The following WDR35 variants were observed in gnomAD, a reference collection of about 807,000 sequenced individuals.
WDR35 encodes the protein WD repeat-containing protein 35.
A neutral mutation model predicts 158.3 loss-of-function variants in WDR35; 118 were observed. The observed-to-expected ratio is 0.75, with a 90% CI of 0.64 to 0.87. WDR35 has a LOEUF of 0.87. WDR35 is among the 40% of genes least tolerant of loss of function. The probability of loss-of-function intolerance (pLI) is 0.00; values close to 1 mark genes in which losing one functional copy is unlikely to be tolerated. For missense variants in WDR35, 1,263 were observed against 1,405.8 expected (o/e 0.90, Z 1.62); for synonymous variants, 448 against 476.1 (o/e 0.94, Z 0.77).
intron 9 of WDR35, 139 bp downstream of exon 9, chr2:19,969,341 A>T: frequency 1.2e-6 from 1 of 845,582 alleles, no homozygotes; most frequent in Non-Finnish European, 1.8e-6. Context: ...AGAAAAGTTT[A>T]CTAGTTCTAA....
rs999628676 is a variant in WDR35 at position 19,937,797 on chromosome 2, C to A, written c.2213G>T (p.Gly738Val). 8 of 1,614,152 alleles carry A rather than the reference C, an allele frequency of 5.0e-6. No homozygotes were observed. The Admixed American group carries it at 5.0e-5, about 10-fold the overall frequency. Residue 738 changes from glycine to valine, a missense_variant, in exon 19 of 27, where the codon GGC (glycine) becomes GTC (valine). Transcript: ENST00000281405. ...SESMKQAEVVGYFGRFEEAER... is the reference protein window; with the variant it reads ...SESMKQAEVVVYFGRFEEAER... Reference sequence around the variant, plus strand: ...AGCCTCTTCAAACCTGCCGAAGTAGCCAACAACTTCAGCCTGTTTCATTGA... The same window carrying A: ...AGCCTCTTCAAACCTGCCGAAGTAGACAACAACTTCAGCCTGTTTCATTGA...
chr2:19,932,003 T>C (rs1359962857), intron 23 of WDR35, among the ~76,000 whole-genome samples: 1 of 152,136 alleles, frequency 6.6e-6, no homozygotes, highest in Admixed American at 6.5e-5. Context: ...TTCCCTGTTG[T>C]AGAAATTTGT....
chr2:19,936,438 G>A (rs1558331554), intron 19 of WDR35, 73 bp from the exon 20 acceptor site: 1 of 1,605,010 alleles, frequency 6.2e-7, no homozygotes, highest in Non-Finnish European at 8.5e-7. Context: ...TGTGTGTTAG[G>A]TACAGTTCTA....
chr2:19,976,000 G>A (rs945462025), intron 5 of WDR35, among the ~76,000 whole-genome samples: 2 of 152,152 alleles, frequency 1.3e-5, no homozygotes, highest in African/African-American at 2.4e-5. Context: ...ACATAACTGA[G>A]TCCATGCTTA....
chr2:19,935,414 C>T (rs751918845), intron 21 of WDR35, 57 bp downstream of exon 21: 2 of 1,584,194 alleles, frequency 1.3e-6, no homozygotes, highest in Admixed American at 3.4e-5. Flanking sequence ...CTGACTATAA[C>T]ATAAAATTTT....
At chr2:19,965,493 G>T (rs543362006) in intron 10 of WDR35, among the ~76,000 whole-genome samples, 2 of 152,326 alleles carry the variant, frequency 1.3e-5, no homozygotes, top group South Asian at 4.2e-4. Flanking sequence ...CTCTTGAACA[G>T]GTCGAATTCT....
Position 19,914,048 on chromosome 2 carries a change from G to A in WDR35, c.3351C>T (p.Ser1117=). Residue 1117 remains serine (S), a synonymous_variant, in exon 26 of 27, where the codon AGC becomes AGT. Transcript: ENST00000281405. ...TAAAATTAGCCTACCCTTCCATAAGGCTGTCCAATTCAGGTTTTCTGTTAT... is the reference window on the plus strand; with the variant it reads ...TAAAATTAGCCTACCCTTCCATAAGACTGTCCAATTCAGGTTTTCTGTTAT... ...SKDNRKPELD[S]LMEGGEGKLP... is the part of the protein sequence containing the mutation. The A allele has an allele frequency of 1.2e-6, 2 of 1,614,016 alleles. No homozygotes were observed. The highest frequency in any genetic ancestry group is 2.2e-5 in the East Asian group (1 of 44,878).
Position 19,966,914 on chromosome 2 carries a change from GAAGA to G in WDR35, c.1009-9_1009-6del. On this transcript the variant is annotated splice_polypyrimidine_tract_variant and splice_region_variant and intron_variant, in intron 9 of 26. Coordinates refer to ENST00000281405, the MANE Select transcript of WDR35 (RefSeq NM_020779.4). ...AGTGTTTGAGCAATAACCCCACTAG[GAAGA>G]AAGGAAGGAGGAAAGGGAAGGAGAT... The G allele has an allele frequency of 6.2e-7, 1 of 1,613,392 alleles. No homozygotes were observed.
rs1327838270 is a variant in WDR35 at position 19,953,954 on chromosome 2, T to C, written c.1280A>G (p.Lys427Arg). 6.8e-6 allele frequency: 11 copies of C among 1,614,184 alleles called. No individual in the cohort carries two copies. The highest frequency in any genetic ancestry group is 9.3e-6 in the Non-Finnish European group (11 of 1,180,010). ...TTTCGAGGCTGCTATCACATGGGTT[T>C]TGGTCATTGCAACAAACAATGGTAC... ...DIVPLFVAMT[K>R]THVIAASKEA... Residue 427 changes from lysine (K) to arginine (R), a missense_variant, in exon 12 of 27, where the codon AAA (lysine) becomes AGA (arginine). Coordinates refer to ENST00000281405, the MANE Select transcript of WDR35 (RefSeq NM_020779.4).
At chr2:19,950,064 T>C (rs1441843131) in intron 13 of WDR35, among the ~76,000 whole-genome samples, 2 of 152,064 alleles carry the variant, frequency 1.3e-5, no homozygotes, top group Non-Finnish European at 2.9e-5. Flanking sequence ...TGTTGGCATA[T>C]GATTAAAGGG....
In WDR35 at chr2:19,910,821, G is replaced by A. The variant is rs1669808753; in HGVS notation, c.*2737C>T. On this transcript the variant is annotated 3_prime_UTR_variant, in exon 27 of 27. Coordinates refer to ENST00000281405, the MANE Select transcript of WDR35 (RefSeq NM_020779.4). Reference sequence around the variant, plus strand: ...TGTTTTCTCTAGTACCATTTACACAGAAGACAAAGGTCCCCAAGACATTAT... The same window carrying A: ...TGTTTTCTCTAGTACCATTTACACAAAAGACAAAGGTCCCCAAGACATTAT... 1.3e-5 allele frequency: 2 copies of A among 152,136 alleles called. No homozygotes were observed. Among genetic ancestry groups the A allele is most frequent in the South Asian group, 4.1e-4 (2 of 4,826 alleles). The allele number at this position is 152,136 out of a possible 1,614,324, so 9.4% of individuals were successfully genotyped here.
At position 19,946,009 on chromosome 2, in the gene WDR35, C is replaced by T. The variant is rs1040039554; in HGVS notation, c.1635-13G>A. On this transcript the variant is annotated splice_polypyrimidine_tract_variant and intron_variant, in intron 15 of 26. Coordinates refer to ENST00000281405, the MANE Select transcript of WDR35 (RefSeq NM_020779.4). ...GATAGCAAGACGGCTAAAAACAATG[C>T]AATTAGAGAAAAGGAAAAAACTATA... The T allele has an allele frequency of 6.2e-7, 1 of 1,612,396 alleles. No homozygotes were observed. Among genetic ancestry groups the T allele is most frequent in the East Asian group, 2.2e-5 (1 of 44,834 alleles).
At chr2:19,951,300 G>T in intron 13 of WDR35, 115 bp downstream of exon 13, 2 of 920,442 alleles carry the variant, frequency 2.2e-6, no homozygotes, top group Admixed American at 2.9e-5. Flanking sequence ...TTAAAGAATT[G>T]CTAAAATAAT....
chr2:19,986,800 G>A (rs1672579785), intron 2 of WDR35, among the ~76,000 whole-genome samples: 1 of 152,186 alleles, frequency 6.6e-6, no homozygotes, highest in African/African-American at 2.4e-5. Flanking sequence ...CTAGAGCAGG[G>A]AACTGAAAAC....
At chr2:19,915,163 C>G (rs1346061507) in intron 25 of WDR35, among the ~76,000 whole-genome samples, 2 of 151,982 alleles carry the variant, frequency 1.3e-5, no homozygotes, top group Non-Finnish European at 2.9e-5. Flanking sequence ...TTTTTCTTCT[C>G]TAGACCTTGG....
At chr2:19,920,832 C>T (rs904374532) in intron 25 of WDR35, among the ~76,000 whole-genome samples, 1 of 152,186 alleles carries the variant, frequency 6.6e-6, no homozygotes, top group Non-Finnish European at 1.5e-5. Context: ...TAGAAAACTC[C>T]ATCATCTCAG....
At chr2:19,935,970 T>C (rs943639083) in intron 20 of WDR35, among the ~76,000 whole-genome samples, 1 of 152,204 alleles carries the variant, frequency 6.6e-6, no homozygotes, top group Non-Finnish European at 1.5e-5. Flanking sequence ...TAGAATTATA[T>C]ACTGTAGGCT....
Position 19,973,598 on chromosome 2 carries a change from C to T in WDR35, c.847G>A (p.Val283Met), listed in dbSNP as rs576085633. The change falls in exon 8 of 27, where the codon GTG (valine) becomes ATG (methionine). Residue 283 changes from valine to methionine, a missense_variant. Physicochemically the swap from Val to Met is conservative, Grantham distance 21 (BLOSUM62 1). Coordinates refer to ENST00000281405, the MANE Select transcript of WDR35 (RefSeq NM_020779.4). ...GGAGTGTAAAACTGCACAATGTTCACATCTTTGTCCTGCATGGCTGCCTTC... is the reference window on the plus strand; with the variant it reads ...GGAGTGTAAAACTGCACAATGTTCATATCTTTGTCCTGCATGGCTGCCTTC... ...FQKAAMQDKD[V>M]NIVQFYTPFG... 9 of 1,614,178 alleles carry T rather than the reference C, an allele frequency of 5.6e-6. No individual in the cohort carries two copies. Among genetic ancestry groups the T allele is most frequent in the Non-Finnish European group, 7.6e-6 (9 of 1,180,036 alleles).
Position 19,982,968 on chromosome 2 carries a change from T to C in WDR35, c.143-434A>G, listed in dbSNP as rs182999332. On this transcript the variant is annotated intron_variant, in intron 2 of 26. Transcript: ENST00000281405. Reference sequence around the variant, plus strand: ...ACAAATATTTATGAAATGTGTACACTGTGCTATGCATTACAAAAGGTTCTA... The same window carrying C: ...ACAAATATTTATGAAATGTGTACACCGTGCTATGCATTACAAAAGGTTCTA... Among the ~76,000 whole-genome samples, 34 of 152,328 alleles carry C rather than the reference T, an allele frequency of 2.2e-4. 1 individual carries two copies. Among genetic ancestry groups the C allele is most frequent in the Admixed American group, 1.5e-3 (23 of 15,304 alleles).
Sources: gnomAD v4.1 joint callset for allele counts (sites outside exome capture counted in the v4.1 genomes callset) on GRCh38, gnomAD v4.1.1 for gene constraint, MANE v1.5 for transcripts, NCBI Gene and HGNC (gene_info 2026-07-23, HGNC 2026-07-21) for gene names.